STK32C: variants seen among roughly 807,000 people sequenced by gnomAD.
STK32C encodes serine/threonine kinase 32C.
STK32C carries 31 observed loss-of-function variants against 56.5 expected under a neutral mutation model. That is an observed-to-expected ratio of 0.55 (90% CI 0.41 to 0.74). STK32C has a LOEUF of 0.74. STK32C is among the 30% of genes least tolerant of loss of function. STK32C has a pLI of 0.00. For missense variants in STK32C, 544 were observed against 676.9 expected (o/e 0.80, Z 2.18); for synonymous variants, 309 against 289.4 (o/e 1.07, Z -0.69).
chr10:132,324,844 T>C (rs988117921), intron 1 of STK32C, among the ~76,000 whole-genome samples: 1 of 151,126 alleles, frequency 6.6e-6, no homozygotes, highest in Admixed American at 6.6e-5. Context: ...ATACATTGGT[T>C]TGGTCTAGAA....
At position 132,246,909 on chromosome 10, in the gene STK32C, C is replaced by T. The variant is rs193175126; in HGVS notation, c.263-954G>A. On this transcript the variant is annotated intron_variant, in intron 1 of 11. Transcript: ENST00000298630. ...CTAAGTCCGTGTCCCCAGGTCTGCA[C>T]CCCTCAGTGTGCTGTATCCATGAAG... 9.3e-3 allele frequency among the ~76,000 whole-genome samples: 1,417 copies of T among 152,302 alleles called. 25 individuals carry two copies. The highest frequency in any genetic ancestry group is 0.031 in the African/African-American group (1,283 of 41,550).
upstream of STK32C, among the ~76,000 whole-genome samples, chr10:132,312,748 CTG>C (rs1449977922): frequency 6.6e-6 from 1 of 152,172 alleles, no homozygotes; most frequent in Non-Finnish European, 1.5e-5. Context: ...AACCTTAAAA[CTG>C]AGTTCCAGGC....
chr10:132,278,622 G>A (rs370484789), intron 1 of STK32C, among the ~76,000 whole-genome samples: 7 of 152,108 alleles, frequency 4.6e-5, no homozygotes, highest in African/African-American at 1.4e-4. Context: ...TTAGCCGGGC[G>A]TGGTGGCAGG....
chr10:132,262,706 A>C (rs1030435316), intron 1 of STK32C, among the ~76,000 whole-genome samples: 4 of 147,480 alleles, frequency 2.7e-5, no homozygotes, highest in African/African-American at 7.5e-5. Flanking sequence ...AGGTCAGGAG[A>C]TCACACCACT....
intron 1 of STK32C, among the ~76,000 whole-genome samples, chr10:132,279,806 T>C (rs1323128482): frequency 6.8e-6 from 1 of 147,250 alleles, no homozygotes; most frequent in Non-Finnish European, 1.5e-5. Context: ...CTGCATTCCA[T>C]GATCACTCTG....
chr10:132,304,310 CCT>C (rs2138388877), intron 1 of STK32C, among the ~76,000 whole-genome samples: 1 of 152,238 alleles, frequency 6.6e-6, no homozygotes, highest in East Asian at 1.9e-4. Flanking sequence ...AGCCTGAGCC[CCT>C]GAGCCCCACC....
chr10:132,325,673 T>G lies in STK32C; in HGVS notation c.302-1300A>C, dbSNP rs76078538. On this transcript the variant is annotated intron_variant, in intron 1 of 1. Coordinates refer to the STK32C transcript ENST00000368619. ...GAGGCTTCCCCAGCCAGGTGGAACT[T>G]AAGTCCAATGAAACCTCTTTCTTTT... Among the ~76,000 whole-genome samples, 1,511 of 152,066 alleles carry G rather than the reference T, an allele frequency of 9.9e-3. 21 individuals are homozygous for G. The highest frequency in any genetic ancestry group is 0.034 in the African/African-American group (1,430 of 41,468).
chr10:132,218,479 C>CA (rs1366631514), intron 10 of STK32C, among the ~76,000 whole-genome samples: 2 of 152,114 alleles, frequency 1.3e-5, no homozygotes, highest in African/African-American at 2.4e-5. Flanking sequence ...CAGAGAAATG[C>CA]AAACCATAAC....
chr10:132,307,923 G>A lies in STK32C; in HGVS notation c.-90C>T. The A allele has an allele frequency of 4.6e-6, 5 of 1,079,152 alleles. No individual in the cohort carries two copies. Among genetic ancestry groups the A allele is most frequent in the East Asian group, 1.0e-4 (1 of 9,756 alleles). 66.8% of individuals were successfully genotyped at this position (1,079,152 alleles called of 1,614,324 possible). A position where few individuals can be genotyped will look rare whatever the true frequency, so the allele number is the denominator to read the frequency against. ...GGCAGTGGTAGCGGGAGCGCTCGGG[G>A]CCGGCAGCGCCCGCCGTGCGCTCTT... On this transcript the variant is annotated 5_prime_UTR_variant, in exon 1 of 12. Coordinates refer to ENST00000298630, the MANE Select transcript of STK32C (RefSeq NM_173575.4). The surrounding 1 kb of genome is among the most constrained non-coding windows in gnomAD (Gnocchi z 4.4).
chr10:132,331,615 A>G (rs1329100166), exon 1 of STK32C: 2 of 1,612,862 alleles, frequency 1.2e-6, no homozygotes, highest in Non-Finnish European at 1.7e-6. Flanking sequence ...GCCCAGCGGG[A>G]AGGACAGGCA....
At chr10:132,266,522 G>A (rs74161753) in intron 1 of STK32C, among the ~76,000 whole-genome samples, 1,939 of 152,308 alleles carry the variant, frequency 0.013, 34 homozygotes, top group African/African-American at 0.043. Context: ...TGTAGTGGAA[G>A]CGTTTTAGGC....
At chr10:132,329,984 C>CG (rs397754935) in intron 1 of STK32C, among the ~76,000 whole-genome samples, 1 of 152,040 alleles carries the variant, frequency 6.6e-6, no homozygotes, top group Non-Finnish European at 1.5e-5. Context: ...CAGTCGCTGC[C>CG]CGGAGGAAGG....
At chr10:132,321,189 T>C (rs2138461897), downstream of STK32C, among the ~76,000 whole-genome samples, 1 of 152,294 alleles carries the variant, frequency 6.6e-6, no homozygotes, top group East Asian at 1.9e-4. Flanking sequence ...CCTTTGCATG[T>C]TCATGGGAGG....
At chr10:132,248,594 C>T (rs545350978) in intron 1 of STK32C, among the ~76,000 whole-genome samples, 1 of 152,354 alleles carries the variant, frequency 6.6e-6, no homozygotes. Flanking sequence ...AGCCCGTGGT[C>T]GGCACAGCCT....
At chr10:132,331,016 C>T (rs1245996379) in intron 1 of STK32C, among the ~76,000 whole-genome samples, 2 of 150,880 alleles carry the variant, frequency 1.3e-5, no homozygotes, top group African/African-American at 4.9e-5. Context: ...GCCTGGCCAA[C>T]ATGATGAAAC....
chr10:132,274,295 C>T (rs1290592150), intron 1 of STK32C, among the ~76,000 whole-genome samples: 1 of 152,142 alleles, frequency 6.6e-6, no homozygotes, highest in Non-Finnish European at 1.5e-5. Context: ...GGTAATGTGG[C>T]GTCTGAATCA....
intron 2 of STK32C, among the ~76,000 whole-genome samples, chr10:132,241,923 A>G (rs1296340448): frequency 1.3e-5 from 2 of 152,168 alleles, no homozygotes; most frequent in African/African-American, 4.8e-5. Context: ...CCTGGAGAAC[A>G]TAGCGAAACC....
chr10:132,227,843 G>C (rs2062947577), intron 3 of STK32C, 134 bp downstream of exon 3: 9 of 1,152,400 alleles, frequency 7.8e-6, no homozygotes, highest in Admixed American at 2.1e-5. Flanking sequence ...AGGAGGGCTA[G>C]AGAGGGCCTG....
chr10:132,318,854 G>C (rs2138452371), intron 1 of STK32C, among the ~76,000 whole-genome samples: 1 of 137,768 alleles, frequency 7.3e-6, no homozygotes, highest in Admixed American at 7.0e-5. Flanking sequence ...ACACTTACTA[G>C]GATTGCCATA....
Sources: gnomAD v4.1 joint callset for allele counts (sites outside exome capture counted in the v4.1 genomes callset) on GRCh38, gnomAD v4.1.1 for gene constraint, Gnocchi (gnomAD v3.1) non-coding constraint, MANE v1.5 for transcripts, NCBI Gene and HGNC (gene_info 2026-07-23, HGNC 2026-07-21) for gene names.